Variants in POC1B observed in about 807,000 individuals in gnomAD.
The protein encoded by POC1B is POC1 centriolar protein B.
Under a neutral mutation model 60.6 loss-of-function variants are expected in POC1B, and 44 were observed. The ratio of observed to expected loss-of-function variants is 0.73; its 90% CI spans 0.57 to 0.93. POC1B has a LOEUF of 0.93. Among genes scored for constraint, POC1B ranks in the 40% least tolerant of loss-of-function variants. The pLI is 0.00. For missense variants in POC1B, 555 were observed against 572.3 expected (o/e 0.97, Z 0.31); for synonymous variants, 180 against 198.9 (o/e 0.90, Z 0.80).
At chr12:89,459,406 A>AT (rs1349230597) in intron 10 of POC1B, among the ~76,000 whole-genome samples, 1 of 95,634 alleles carries the variant, frequency 1.0e-5, no homozygotes. Context: ...AACTTAAAGT[A>AT]TAAAAAAAAA....
At chr12:89,451,627 C>T (rs1475441508) in intron 10 of POC1B, among the ~76,000 whole-genome samples, 4 of 152,144 alleles carry the variant, frequency 2.6e-5, no homozygotes, top group Non-Finnish European at 5.9e-5. Context: ...CCTTAATAAC[C>T]AGTTCACTGA....
chr12:89,413,391 C>G, the POC1B span, among the ~76,000 whole-genome samples: 1 of 152,044 alleles, frequency 6.6e-6, no homozygotes, highest in Non-Finnish European at 1.5e-5. Flanking sequence ...GAGATGGAGT[C>G]TCACTATGCT....
chr12:89,466,309 G>A (rs1285548877), intron 9 of POC1B, among the ~76,000 whole-genome samples: 1 of 152,066 alleles, frequency 6.6e-6, no homozygotes, highest in Non-Finnish European at 1.5e-5. Context: ...ATATATTCAG[G>A]CAATAACATT....
chr12:89,422,164 A>G (rs962235418), intron 11 of POC1B, among the ~76,000 whole-genome samples: 2 of 152,140 alleles, frequency 1.3e-5, no homozygotes, highest in Non-Finnish European at 2.9e-5. Context: ...ACCCATAGCA[A>G]GAACTAGACT....
chr12:89,474,584 A>G (rs1883034372), intron 4 of POC1B, among the ~76,000 whole-genome samples: 1 of 152,150 alleles, frequency 6.6e-6, no homozygotes, highest in Admixed American at 6.5e-5. Flanking sequence ...GCTTGTCTCA[A>G]TTTACAGTGA....
chr12:89,470,163 C>T (rs1265627805), intron 7 of POC1B, among the ~76,000 whole-genome samples, 198 bp downstream of exon 7: 1 of 152,080 alleles, frequency 6.6e-6, no homozygotes, highest in Non-Finnish European at 1.5e-5. Context: ...TGAGCCACCA[C>T]GCCCAGCCAC....
chr12:89,513,250 GA>G (rs58165369), intron 2 of POC1B, among the ~76,000 whole-genome samples: 4,383 of 129,098 alleles, frequency 0.034, 71 homozygotes, highest in Non-Finnish European at 0.039. Context: ...TCAAGAATTT[GA>G]AAAAAAAAAA....
chr12:89,495,641 C>T (rs972001365), intron 3 of POC1B, among the ~76,000 whole-genome samples: 2 of 152,106 alleles, frequency 1.3e-5, no homozygotes, highest in Non-Finnish European at 2.9e-5. Flanking sequence ...TTTTTGGCAC[C>T]AGAGACCAGT....
At chr12:89,456,415 C>A (rs1411797928) in intron 10 of POC1B, among the ~76,000 whole-genome samples, 1 of 152,030 alleles carries the variant, frequency 6.6e-6, no homozygotes, top group African/African-American at 2.4e-5. Context: ...GTAGCCACAC[C>A]ACATGTCAAT....
intron 2 of POC1B, among the ~76,000 whole-genome samples, chr12:89,517,833 A>C (rs1411624041): frequency 6.6e-6 from 1 of 152,124 alleles, no homozygotes; most frequent in African/African-American, 2.4e-5. Context: ...CAGAGCATAA[A>C]ATGGCATCTG....
At chr12:89,416,518 A>G (rs1159555992), downstream of POC1B, among the ~76,000 whole-genome samples, 2 of 152,200 alleles carry the variant, frequency 1.3e-5, no homozygotes, top group Admixed American at 6.5e-5. Flanking sequence ...TTGAGGACAG[A>G]TGGTGGCAGT....
rs184170705 is a variant in POC1B at position 89,419,871 on chromosome 12, C to T, written c.*1282G>A. 18 of 152,288 alleles carry T rather than the reference C, an allele frequency of 1.2e-4. No homozygotes were observed. The highest frequency in any genetic ancestry group is 2.4e-4 in the Non-Finnish European group (16 of 68,028). The allele number at this position is 152,288 out of a possible 1,614,324, so 9.4% of individuals were successfully genotyped here. A position where few individuals can be genotyped will look rare whatever the true frequency, so the allele number is the denominator to read the frequency against. ...GCTCTTGAAAATGTCCAGAAGCTCA[C>T]ACTTAGTATGATATTAAAAGGCACT... On this transcript the variant is annotated 3_prime_UTR_variant, in exon 12 of 12. Transcript: ENST00000313546.
At chr12:89,402,395 T>A in the POC1B span, among the ~76,000 whole-genome samples, 54 of 151,920 alleles carry the variant, frequency 3.6e-4, no homozygotes, top group African/African-American at 1.3e-3. Flanking sequence ...TTTTTTAGGT[T>A]CAGGGGTACA....
chr12:89,429,190 T>C (rs1358925350), intron 10 of POC1B: 1 of 152,122 alleles, frequency 6.6e-6, no homozygotes, highest in Non-Finnish European at 1.5e-5. Flanking sequence ...TATTATCATA[T>C]GACATATGGA....
At chr12:89,450,163 G>GA (rs929256912) in intron 10 of POC1B, among the ~76,000 whole-genome samples, 9 of 148,732 alleles carry the variant, frequency 6.1e-5, no homozygotes, top group African/African-American at 2.2e-4. Flanking sequence ...GGAGAAATGA[G>GA]AAAAAAGGAA....
At chr12:89,453,320 T>C (rs1342470971) in intron 10 of POC1B, among the ~76,000 whole-genome samples, 1 of 152,210 alleles carries the variant, frequency 6.6e-6, no homozygotes, top group Admixed American at 6.5e-5. Context: ...TACTATCATT[T>C]GCAGTTAAGA....
At chr12:89,432,441 C>T (rs1324217997) in intron 10 of POC1B, among the ~76,000 whole-genome samples, 1 of 146,202 alleles carries the variant, frequency 6.8e-6, no homozygotes, top group Non-Finnish European at 1.5e-5. Flanking sequence ...TTGGCAAAGC[C>T]CTCTTTGCCA....
At chr12:89,506,686 T>C (rs986482221) in intron 2 of POC1B, among the ~76,000 whole-genome samples, 2 of 152,134 alleles carry the variant, frequency 1.3e-5, no homozygotes, top group South Asian at 2.1e-4. Flanking sequence ...GAAGCTCTTA[T>C]AGGAAAATAA....
chr12:89,453,133 C>A (rs1196625836), intron 10 of POC1B, among the ~76,000 whole-genome samples: 2 of 152,046 alleles, frequency 1.3e-5, no homozygotes, highest in African/African-American at 2.4e-5. Context: ...CATGTATGTT[C>A]TGTTTTTTAA....
Sources: allele counts gnomAD v4.1 joint callset (sites outside exome capture counted in the v4.1 genomes callset), GRCh38; gene constraint gnomAD v4.1.1; transcripts MANE v1.5; gene names NCBI Gene and HGNC (gene_info 2026-07-23, HGNC 2026-07-21).